Variants in CAMK4 observed in about 807,000 individuals in gnomAD.
CAMK4 encodes calcium/calmodulin-dependent protein kinase type IV.
A neutral mutation model predicts 44.9 loss-of-function variants in CAMK4; 22 were observed. The ratio of observed to expected loss-of-function variants is 0.49; its 90% CI spans 0.35 to 0.70. CAMK4 has a LOEUF of 0.70. Ranked by LOEUF, CAMK4 falls within the 30% of genes least tolerant of loss-of-function variation. The probability of loss-of-function intolerance (pLI) is 0.01; values close to 1 mark genes in which losing one functional copy is unlikely to be tolerated. For missense variants in CAMK4, 498 were observed against 586.8 expected (o/e 0.85, Z 1.56); for synonymous variants, 218 against 215.4 (o/e 1.01, Z -0.11).
At chr5:111,274,456 G>C (rs1263277569) in intron 1 of CAMK4, among the ~76,000 whole-genome samples, 1 of 152,154 alleles carries the variant, frequency 6.6e-6, no homozygotes, top group Admixed American at 6.6e-5. Flanking sequence ...ATTTGTGAAT[G>C]AGTGACAAGT....
At chr5:111,368,749 C>G (rs191493228) in intron 2 of CAMK4, among the ~76,000 whole-genome samples, 3 of 152,022 alleles carry the variant, frequency 2.0e-5, no homozygotes, top group Non-Finnish European at 4.4e-5. Context: ...TTAGTTTACT[C>G]TCTTTGGATT....
At chr5:111,299,207 G>T (rs932994710) in intron 1 of CAMK4, among the ~76,000 whole-genome samples, 6 of 152,248 alleles carry the variant, frequency 3.9e-5, no homozygotes, top group African/African-American at 1.4e-4. Context: ...GGTTTGTAGT[G>T]CAGGCTCACA....
At chr5:111,419,316 T>G (rs1752934130) in intron 5 of CAMK4, among the ~76,000 whole-genome samples, 2 of 152,208 alleles carry the variant, frequency 1.3e-5, no homozygotes, top group Admixed American at 1.3e-4. Context: ...TAAATTTGTT[T>G]GAGTTCATTG....
At chr5:111,238,546 TG>T (rs1382793802) in intron 1 of CAMK4, among the ~76,000 whole-genome samples, 1 of 137,968 alleles carries the variant, frequency 7.2e-6, no homozygotes, top group African/African-American at 3.0e-5. Flanking sequence ...GTGAAAAAAA[TG>T]TTTTTTTTTT....
At chr5:111,389,899 C>T (rs1355025305) in intron 4 of CAMK4, among the ~76,000 whole-genome samples, 2 of 151,714 alleles carry the variant, frequency 1.3e-5, no homozygotes, top group African/African-American at 4.9e-5. Flanking sequence ...ACAAAATCCA[C>T]GTTTAGAGTA....
At chr5:111,248,491 T>C (rs1580476566) in intron 1 of CAMK4, among the ~76,000 whole-genome samples, 1 of 148,268 alleles carries the variant, frequency 6.7e-6, no homozygotes, top group Admixed American at 6.8e-5. Flanking sequence ...ACTTAAGAAA[T>C]TATTTAAATC....
intron 1 of CAMK4, among the ~76,000 whole-genome samples, chr5:111,241,389 T>C (rs1748985547): frequency 6.6e-6 from 1 of 152,106 alleles, no homozygotes; most frequent in Admixed American, 6.5e-5. Context: ...TTTCTCATGA[T>C]TAACTGGGGA....
At chr5:111,346,080 G>A (rs1251600196) in intron 2 of CAMK4, among the ~76,000 whole-genome samples, 1 of 151,938 alleles carries the variant, frequency 6.6e-6, no homozygotes, top group African/African-American at 2.4e-5. Context: ...GAGAGAAATA[G>A]CAGACAAAAC....
chr5:111,330,158 A>C (rs1367300622), intron 1 of CAMK4, among the ~76,000 whole-genome samples: 7 of 148,160 alleles, frequency 4.7e-5, no homozygotes, highest in Non-Finnish European at 1.1e-4. Flanking sequence ...GCAAGGTTTT[A>C]AGATAAATGT....
At chr5:111,415,209 A>G (rs1302342567) in intron 5 of CAMK4, among the ~76,000 whole-genome samples, 1 of 152,204 alleles carries the variant, frequency 6.6e-6, no homozygotes. Flanking sequence ...TGAGTAGCCC[A>G]ATGAAATTTT....
chr5:111,312,298 A>G (rs943876316), intron 1 of CAMK4, among the ~76,000 whole-genome samples: 1 of 152,158 alleles, frequency 6.6e-6, no homozygotes, highest in Non-Finnish European at 1.5e-5. Flanking sequence ...CTTTAATACT[A>G]GAGAGAACCA....
chr5:111,408,542 C>A (rs1041271977), intron 5 of CAMK4, among the ~76,000 whole-genome samples: 11 of 152,166 alleles, frequency 7.2e-5, no homozygotes, highest in Admixed American at 3.3e-4. Flanking sequence ...GGTGGGGACA[C>A]AAAGCCTAAC....
At chr5:111,467,934 TCACA>T (rs60254627) in intron 7 of CAMK4, among the ~76,000 whole-genome samples, 8,982 of 143,394 alleles carry the variant, frequency 0.063, 295 homozygotes, top group Non-Finnish European at 0.075. Context: ...AAAGAAATTG[TCACA>T]CACACACACA....
rs1433568347 is a variant in CAMK4 at position 111,344,081 on chromosome 5, T to C, written c.219T>C (p.Ala73=). Residue 73 remains alanine, a synonymous_variant, in exon 2 of 11, where the codon GCT becomes GCC. Coordinates refer to ENST00000282356, the MANE Select transcript of CAMK4 (RefSeq NM_001744.6). The part of the protein sequence containing the change: ...CKQKGTQKPY[A]LKVLKKTVDK... ...AGAAGGGGACCCAGAAGCCTTATGC[T>C]CTCAAAGTGTTAAAGAAAACAGTAA... The C allele has an allele frequency of 3.1e-6, 5 of 1,601,996 alleles. No homozygotes were observed. The highest frequency in any genetic ancestry group is 8.5e-7 in the Non-Finnish European group (1 of 1,169,920).
intron 2 of CAMK4, among the ~76,000 whole-genome samples, chr5:111,344,400 A>G (rs972710157): frequency 4.7e-5 from 5 of 107,222 alleles, no homozygotes; most frequent in African/African-American, 1.5e-4. Context: ...GAGATTTTAT[A>G]TATATATATA....
intron 5 of CAMK4, among the ~76,000 whole-genome samples, chr5:111,396,265 T>G (rs1752003195): frequency 6.6e-6 from 1 of 152,224 alleles, no homozygotes; most frequent in Admixed American, 6.5e-5. Flanking sequence ...TTTTGATCTT[T>G]TTGCTATGGT....
intron 4 of CAMK4, among the ~76,000 whole-genome samples, chr5:111,392,216 C>T (rs757812865): frequency 1.3e-5 from 2 of 152,114 alleles, no homozygotes; most frequent in Non-Finnish European, 2.9e-5. Flanking sequence ...TTCTGCATGG[C>T]TGCAGAGGTC....
intron 4 of CAMK4, among the ~76,000 whole-genome samples, chr5:111,389,114 G>T (rs555654181): frequency 6.6e-6 from 1 of 152,310 alleles, no homozygotes; most frequent in African/African-American, 2.4e-5. Flanking sequence ...CAAGATAAAT[G>T]TGTCAGCAGA....
At chr5:111,455,937 G>A (rs1000655453) in intron 7 of CAMK4, among the ~76,000 whole-genome samples, 6 of 152,158 alleles carry the variant, frequency 3.9e-5, no homozygotes, top group Admixed American at 3.3e-4. Context: ...GAATAAATAA[G>A]ATAATGTATG....
Sources: allele counts gnomAD v4.1 joint callset (sites outside exome capture counted in the v4.1 genomes callset), GRCh38; gene constraint gnomAD v4.1.1; transcripts MANE v1.5; gene names NCBI Gene and HGNC (gene_info 2026-07-23, HGNC 2026-07-21).